ZNF676: variants seen among roughly 807,000 people sequenced by gnomAD.
ZNF676 encodes the protein zinc finger protein 676.
Under a neutral mutation model 6.0 loss-of-function variants are expected in ZNF676, and 4 were observed. The observed-to-expected ratio is 0.67, with a 90% CI of 0.33 to 1.53. ZNF676 has a LOEUF of 1.53. ZNF676 is among the 40% of genes most tolerant of loss of function. The pLI is 0.06. For synonymous variants in ZNF676, 198 were observed against 223.1 expected, an observed-to-expected ratio of 0.89 and a Z score of 1.00; for missense variants, 644 against 679.7, an observed-to-expected ratio of 0.95 and a Z score of 0.58.
At chr19:22,256,545 T>G in the ZNF676 span, among the ~76,000 whole-genome samples, 2 of 152,084 alleles carry the variant, frequency 1.3e-5, no homozygotes, top group Non-Finnish European at 1.5e-5. Context: ...ATAGGCAGGG[T>G]GCAGGTAGAA....
At chr19:22,202,536 T>C (rs1369560795) in intron 1 of ZNF676, among the ~76,000 whole-genome samples, 1 of 152,164 alleles carries the variant, frequency 6.6e-6, no homozygotes, top group Non-Finnish European at 1.5e-5. Context: ...CTAGACAAGG[T>C]TTGGAAAATA....
intron 2 of ZNF676, 28 bp downstream of exon 2, chr19:22,192,988 C>T: frequency 6.3e-7 from 1 of 1,584,758 alleles, no homozygotes; most frequent in Non-Finnish European, 8.6e-7. Context: ...ACTTCTCATT[C>T]ATGTTGTCTG....
the ZNF676 span, among the ~76,000 whole-genome samples, chr19:22,223,514 C>CT: frequency 0.03 from 4,278 of 142,850 alleles, 211 homozygotes; most frequent in African/African-American, 0.1. Flanking sequence ...AATAGGTCAC[C>CT]TTTTTTTTTT....
At chr19:22,200,454 T>G (rs982681570), upstream of ZNF676, among the ~76,000 whole-genome samples, 2 of 151,996 alleles carry the variant, frequency 1.3e-5, no homozygotes, top group African/African-American at 2.4e-5. Flanking sequence ...TTCAACCATT[T>G]TTCCAGTTGT....
rs554660026 is a variant in ZNF676, at chr19:22,193,005, C to A, written c.130+11G>T. On this transcript the variant is annotated intron_variant, in intron 2 of 2. Coordinates refer to ENST00000397121, the MANE Select transcript of ZNF676 (RefSeq NM_001001411.3). ...TTCTCATTCATGTTGTCTGTATTCA[C>A]TCTCACCTACCTGGGGGTTCTTCCA... The A allele has an allele frequency of 1.2e-6, 2 of 1,602,386 alleles. No homozygotes were observed. Among genetic ancestry groups the A allele is most frequent in the African/African-American group, 2.7e-5 (2 of 73,744 alleles).
intron 1 of ZNF676, among the ~76,000 whole-genome samples, chr19:22,205,384 C>G (rs1232298050): frequency 1.3e-5 from 2 of 152,108 alleles, no homozygotes; most frequent in African/African-American, 4.8e-5. Context: ...GGCACATACT[C>G]TAAAATTGAC....
intron 1 of ZNF676, among the ~76,000 whole-genome samples, chr19:22,202,493 G>A (rs925831574): frequency 6.6e-6 from 1 of 152,070 alleles, no homozygotes; most frequent in Non-Finnish European, 1.5e-5. Context: ...AGCTTAGTTG[G>A]TACCCTATGT....
chr19:22,209,327 T>TAA (rs879800907), intron 1 of ZNF676, among the ~76,000 whole-genome samples: 14 of 138,208 alleles, frequency 1.0e-4, no homozygotes, highest in African/African-American at 3.2e-4. Flanking sequence ...GTGTGGCCAT[T>TAA]AAAAAAAAAA....
chr19:22,215,806 C>CCT, upstream of ZNF676: 1 of 591,102 alleles, frequency 1.7e-6, no homozygotes, highest in Non-Finnish European at 2.8e-6. Context: ...GTCCCCCCCC[C>CCT]CAGCTGCCTG....
chr19:22,209,746 T>A (rs1350236913), intron 1 of ZNF676, among the ~76,000 whole-genome samples: 2 of 152,192 alleles, frequency 1.3e-5, no homozygotes, highest in African/African-American at 4.8e-5. Flanking sequence ...GGGGCTGTAC[T>A]CTGATTCATT....
chr19:22,238,739 G>A, the ZNF676 span, among the ~76,000 whole-genome samples: 1 of 152,172 alleles, frequency 6.6e-6, no homozygotes, highest in Admixed American at 6.5e-5. Context: ...TGAGAATCAA[G>A]GAGAGCCACT....
the ZNF676 span, among the ~76,000 whole-genome samples, chr19:22,250,721 T>C: frequency 6.6e-6 from 1 of 152,046 alleles, no homozygotes; most frequent in Non-Finnish European, 1.5e-5. Context: ...ATTTCTTTTT[T>C]TTTTTTTTAA....
upstream of ZNF676, among the ~76,000 whole-genome samples, chr19:22,198,761 TTTTC>T (rs1371707115): frequency 6.6e-6 from 1 of 151,900 alleles, no homozygotes; most frequent in Non-Finnish European, 1.5e-5. Context: ...AAAAATATGC[TTTTC>T]TTTATTTTGT....
At chr19:22,222,459 CA>C in the ZNF676 span, among the ~76,000 whole-genome samples, 1 of 152,096 alleles carries the variant, frequency 6.6e-6, no homozygotes, top group Admixed American at 6.5e-5. Flanking sequence ...GATTTGCAAA[CA>C]GCAACTTTTT....
chr19:22,247,107 C>A, the ZNF676 span, among the ~76,000 whole-genome samples: 1 of 152,124 alleles, frequency 6.6e-6, no homozygotes, highest in Non-Finnish European at 1.5e-5. Context: ...AATTAGCCAA[C>A]TTTGGGTAAC....
At chr19:22,228,063 T>G in the ZNF676 span, among the ~76,000 whole-genome samples, 1 of 152,140 alleles carries the variant, frequency 6.6e-6, no homozygotes, top group Non-Finnish European at 1.5e-5. Flanking sequence ...AAAGAAAACT[T>G]CAGGCCAATA....
the ZNF676 span, among the ~76,000 whole-genome samples, chr19:22,235,028 G>GAAAGA: frequency 3.5e-3 from 220 of 62,324 alleles, 4 homozygotes; most frequent in Middle Eastern, 0.017. Flanking sequence ...AAGAAAGAAA[G>GAAAGA]AAAGAAAAGA....
the ZNF676 span, among the ~76,000 whole-genome samples, chr19:22,227,258 C>T: frequency 6.6e-6 from 1 of 152,134 alleles, no homozygotes; most frequent in Non-Finnish European, 1.5e-5. Flanking sequence ...TCCAGAATGA[C>T]TACTGGGGAA....
At chr19:22,238,749 T>C in the ZNF676 span, among the ~76,000 whole-genome samples, 2 of 152,126 alleles carry the variant, frequency 1.3e-5, no homozygotes, top group Admixed American at 1.3e-4. Context: ...GGAGAGCCAC[T>C]CCAAGTTCCA....
Sources: gnomAD v4.1 joint callset for allele counts (sites outside exome capture counted in the v4.1 genomes callset) on GRCh38, gnomAD v4.1.1 for gene constraint, MANE v1.5 for transcripts, NCBI Gene and HGNC (gene_info 2026-07-23, HGNC 2026-07-21) for gene names.